RABGAP1: variants seen among roughly 807,000 people sequenced by gnomAD.
The protein encoded by RABGAP1 is RAB GTPase activating protein 1, also known as rab GTPase-activating protein 1.
RABGAP1 carries 23 observed loss-of-function variants against 137.6 expected under a neutral mutation model. That is an observed-to-expected ratio of 0.17 (90% CI 0.12 to 0.24). The LOEUF is 0.24. Ranked by LOEUF, RABGAP1 falls within the 10% of genes least tolerant of loss-of-function variation. The pLI is 1.00. For missense variants in RABGAP1, 906 were observed against 1,275.8 expected, an observed-to-expected ratio of 0.71 and a Z score of 4.42; for synonymous variants, 451 against 450.7, an observed-to-expected ratio of 1.00 and a Z score of -0.01.
At chr9:123,052,706 G>C (rs2033537114) in intron 13 of RABGAP1, among the ~76,000 whole-genome samples, 1 of 152,140 alleles carries the variant, frequency 6.6e-6, no homozygotes, top group Non-Finnish European at 1.5e-5. Context: ...GAGGTGAGCA[G>C]ATCACTTGAG....
rs2034335772 is a variant in RABGAP1 at position 123,070,968 on chromosome 9, C to G, written c.1983+544C>G. Reference sequence around the variant, plus strand: ...TTTTTCTGTTTGTCTCCCTCTGCATCTCTTTTTTTCTCTTTTCTGCATAAA... The same window carrying G: ...TTTTTCTGTTTGTCTCCCTCTGCATGTCTTTTTTTCTCTTTTCTGCATAAA... On this transcript the variant is annotated intron_variant, in intron 15 of 25. Transcript: ENST00000373647. The surrounding 1 kb of genome is among the most constrained non-coding windows in gnomAD (Gnocchi z 4.4). Among the ~76,000 whole-genome samples the G allele has an allele frequency of 6.6e-6, 1 of 152,160 alleles. No individual in the cohort carries two copies.
At chr9:123,011,837 C>T (rs1427477844) in intron 11 of RABGAP1, among the ~76,000 whole-genome samples, 1 of 152,114 alleles carries the variant, frequency 6.6e-6, no homozygotes, top group Non-Finnish European at 1.5e-5. Flanking sequence ...TGCCTGTAAT[C>T]CTAGCTACTT....
intron 6 of RABGAP1, among the ~76,000 whole-genome samples, chr9:122,991,846 T>TAGTCTCAGC (rs954451942): frequency 2.0e-5 from 3 of 152,054 alleles, no homozygotes; most frequent in African/African-American, 7.2e-5. Context: ...TCTCAAGTGA[T>TAGTCTCAGC]AGTCTCAGCT....
intron 24 of RABGAP1, 121 bp from the exon 25 acceptor site, chr9:123,101,445 T>G (rs1437710522): frequency 2.1e-6 from 2 of 933,232 alleles, no homozygotes; most frequent in Admixed American, 3.5e-5. Flanking sequence ...GCACAGGTTT[T>G]CAGAAACTGT....
In RABGAP1 at chr9:123,068,324, C is replaced by T. The variant is rs549954946; in HGVS notation, c.1909-2026C>T. 1.2e-3 allele frequency among the ~76,000 whole-genome samples: 173 copies of T among 139,398 alleles called. 1 individual carries two copies. Among genetic ancestry groups the T allele is most frequent in the Non-Finnish European group, 2.4e-3 (156 of 66,206 alleles). 91.5% of individuals were successfully genotyped at this position (139,398 alleles called of 152,430 possible). On this transcript the variant is annotated intron_variant, in intron 14 of 25. Transcript: ENST00000373647. ...AAGATTGTGCCACTGCATTCCACCT[C>T]GGGTGACACAGGAGACTCCATCTCA...
intron 19 of RABGAP1, among the ~76,000 whole-genome samples, chr9:123,088,487 G>A (rs1407985507): frequency 1.3e-5 from 2 of 152,088 alleles, no homozygotes. Context: ...AGGAAAGATA[G>A]TCACCCAGCC....
chr9:123,008,115 C>T (rs928576664), intron 10 of RABGAP1, among the ~76,000 whole-genome samples: 1 of 152,018 alleles, frequency 6.6e-6, no homozygotes, highest in African/African-American at 2.4e-5. Context: ...CAACAATTAA[C>T]ATTTTTCATA....
At chr9:123,041,013 T>C (rs1439755833) in intron 13 of RABGAP1, among the ~76,000 whole-genome samples, 1 of 152,208 alleles carries the variant, frequency 6.6e-6, no homozygotes, top group Non-Finnish European at 1.5e-5. Context: ...ATATTGCTTT[T>C]GCAGAGGAGT....
chr9:123,020,897 C>G (rs972996156), intron 13 of RABGAP1: 1 of 908,126 alleles, frequency 1.1e-6, no homozygotes, highest in African/African-American at 1.8e-5. Context: ...TTAGCTCATT[C>G]CTCTAAAGTG....
Position 122,967,902 on chromosome 9 carries a change from A to G in RABGAP1, c.150+10693A>G, listed in dbSNP as rs576598543. Among the ~76,000 whole-genome samples the G allele has an allele frequency of 1.0e-3, 159 of 151,820 alleles. 7 individuals are homozygous for G. In the South Asian group the frequency reaches 0.032, roughly 31 times the overall value. On this transcript the variant is annotated intron_variant, in intron 2 of 25. Coordinates refer to ENST00000373647, the MANE Select transcript of RABGAP1 (RefSeq NM_012197.4). ...CCACCACACTTGGCCAATTTTTTGT[A>G]TTTTTAGTAGAGATGGGGTTTTACC...
chr9:123,035,489 A>G (rs1441463363), intron 13 of RABGAP1: 1 of 1,614,028 alleles, frequency 6.2e-7, no homozygotes, highest in South Asian at 1.1e-5. Flanking sequence ...AGTCTCTCCA[A>G]CAGTGTATTC....
At chr9:123,088,075 C>T in intron 19 of RABGAP1, among the ~76,000 whole-genome samples, 1 of 150,830 alleles carries the variant, frequency 6.6e-6, no homozygotes, top group Non-Finnish European at 1.5e-5. Flanking sequence ...GATGGGGTCT[C>T]TCTCTTGTCA....
intron 10 of RABGAP1, among the ~76,000 whole-genome samples, chr9:123,004,402 A>G (rs748859546): frequency 1.7e-4 from 26 of 151,682 alleles, no homozygotes; most frequent in Non-Finnish European, 2.9e-4. Context: ...ATCCTCCTAC[A>G]TCAGCCTCCC....
intron 2 of RABGAP1, among the ~76,000 whole-genome samples, chr9:122,960,689 G>T (rs1406476121): frequency 1.3e-5 from 2 of 152,200 alleles, no homozygotes; most frequent in African/African-American, 4.8e-5. Context: ...TACTGCCTGT[G>T]AGAGTGACTG....
chr9:123,057,595 C>A (rs1057097340), intron 13 of RABGAP1, among the ~76,000 whole-genome samples: 33 of 151,850 alleles, frequency 2.2e-4, no homozygotes, highest in Non-Finnish European at 4.4e-4. Flanking sequence ...AGGGGCTCCT[C>A]ACATCCCAGA....
At chr9:123,050,249 T>A (rs1463091819) in intron 13 of RABGAP1, among the ~76,000 whole-genome samples, 1 of 152,238 alleles carries the variant, frequency 6.6e-6, no homozygotes, top group Non-Finnish European at 1.5e-5. Context: ...CTAAACAATA[T>A]GTCATGTATT....
chr9:122,988,577 A>G lies in RABGAP1; in HGVS notation c.591-720A>G, dbSNP rs535616541. Among the ~76,000 whole-genome samples the G allele has an allele frequency of 4.0e-5, 6 of 149,148 alleles. No homozygotes were observed. In the South Asian group the frequency reaches 1.1e-3, roughly 26 times the overall value. Reference sequence around the variant, plus strand: ...CATGAATCAAAAAAAAACTTGTTTCAGTCTGAGAAAAAGCATCAGTTTTTT... The same window carrying G: ...CATGAATCAAAAAAAAACTTGTTTCGGTCTGAGAAAAAGCATCAGTTTTTT... On this transcript the variant is annotated intron_variant, in intron 4 of 25. Coordinates refer to ENST00000373647, the MANE Select transcript of RABGAP1 (RefSeq NM_012197.4).
In RABGAP1 at chr9:123,093,410, C is replaced by G. The variant is rs116561137; in HGVS notation, c.2628+3025C>G. On this transcript the variant is annotated intron_variant, in intron 21 of 25. Transcript: ENST00000373647. ...GAAGCTATGGAAGGTCCCTGCAGAG[C>G]TGATAGGACCATGTCCGAGTCCCCT... 5.3e-3 allele frequency among the ~76,000 whole-genome samples: 812 copies of G among 152,322 alleles called. 7 individuals carry two copies. Among genetic ancestry groups the G allele is most frequent in the African/African-American group, 0.019 (776 of 41,580 alleles).
intron 14 of RABGAP1, among the ~76,000 whole-genome samples, chr9:123,069,020 C>T (rs2034270457): frequency 6.6e-6 from 1 of 152,060 alleles, no homozygotes; most frequent in Non-Finnish European, 1.5e-5. Context: ...TAGGAATTTC[C>T]CTTTCTACCA....
Sources: gnomAD v4.1 joint callset for allele counts (sites outside exome capture counted in the v4.1 genomes callset) on GRCh38, gnomAD v4.1.1 for gene constraint, Gnocchi (gnomAD v3.1) non-coding constraint, MANE v1.5 for transcripts, NCBI Gene and HGNC (gene_info 2026-07-23, HGNC 2026-07-21) for gene names.